ITPR3: variants seen among roughly 807,000 people sequenced by gnomAD.
The protein encoded by ITPR3 is inositol 1,4,5-trisphosphate receptor type 3, also known as inositol 1,4,5-trisphosphate-gated calcium channel ITPR3.
In ITPR3, 173 loss-of-function variants were observed where a neutral mutation model predicts 293.2. The ratio of observed to expected loss-of-function variants is 0.59; its 90% CI spans 0.52 to 0.67. The LOEUF (loss-of-function observed/expected upper bound fraction) is 0.67, where lower values mean the gene tolerates loss of function less well. Ranked by LOEUF, ITPR3 falls within the 30% of genes least tolerant of loss-of-function variation. The pLI is 0.00. For missense variants in ITPR3, 2,796 were observed against 3,592.1 expected, an observed-to-expected ratio of 0.78 and a Z score of 5.66; for synonymous variants, 1,295 against 1,444.4, an observed-to-expected ratio of 0.90 and a Z score of 2.35.
intron 3 of ITPR3, among the ~76,000 whole-genome samples, chr6:33,657,070 C>T (rs754647476): frequency 8.5e-5 from 13 of 152,196 alleles, no homozygotes; most frequent in African/African-American, 2.2e-4. Flanking sequence ...GAACCGCAAG[C>T]GGTCACACAG....
chr6:33,650,956 C>T (rs1360151533), intron 2 of ITPR3, among the ~76,000 whole-genome samples: 5 of 152,084 alleles, frequency 3.3e-5, no homozygotes, highest in Admixed American at 6.6e-5. Context: ...TTTCTTTGAG[C>T]ATATACTGGT....
At position 33,684,989 on chromosome 6, in the gene ITPR3, CCT is replaced by C. The variant is rs1292582518; in HGVS notation, c.5307+47_5307+48del. The C allele has an allele frequency of 1.3e-6, 2 of 1,563,512 alleles. No individual in the cohort carries two copies. The highest frequency in any genetic ancestry group is 2.3e-5 in the East Asian group (1 of 44,322). On this transcript the variant is annotated intron_variant, in intron 39 of 57. Coordinates refer to ENST00000605930, the MANE Select transcript of ITPR3 (RefSeq NM_002224.4). The surrounding 1 kb of genome is among the most constrained non-coding windows in gnomAD (Gnocchi z 4.2). ...GGACATGCCCTCCTTTGCCTCCCTCCCTTTTTGGAGGAGGTGGGCCTTGAGTT... is the reference window on the plus strand; with the variant it reads ...GGACATGCCCTCCTTTGCCTCCCTCCTTTTGGAGGAGGTGGGCCTTGAGTT...
In ITPR3 at chr6:33,665,071, A is replaced by C; in HGVS notation, c.1267A>C (p.Lys423Gln). The change falls in exon 13 of 58, where the codon AAG becomes CAG. Residue 423 changes from lysine (K) to glutamine (Q), a missense_variant. Coordinates refer to ENST00000605930, the MANE Select transcript of ITPR3 (RefSeq NM_002224.4). ...IRLMLGTCPTKEDKEAFAIVS... is the reference protein window; with the variant it reads ...IRLMLGTCPTQEDKEAFAIVS... ...TCTGCAGCTGGGCACCTGCCCCACCAAGGAGGACAAGGAGGCCTTTGCCAT... is the reference window on the plus strand; with the variant it reads ...TCTGCAGCTGGGCACCTGCCCCACCCAGGAGGACAAGGAGGCCTTTGCCAT... 6.2e-7 allele frequency: 1 copy of C among 1,613,908 alleles called. No homozygotes were observed. The highest frequency in any genetic ancestry group is 8.5e-7 in the Non-Finnish European group (1 of 1,180,002).
chr6:33,657,830 TG>T, intron 3 of ITPR3, 101 bp from the exon 4 acceptor site: 1 of 851,474 alleles, frequency 1.2e-6, no homozygotes, highest in Non-Finnish European at 1.9e-6. Context: ...TGTGTGTGTG[TG>T]TGTTTGTGTG....
chr6:33,686,316 A>G (rs1765229759), intron 42 of ITPR3, 63 bp downstream of exon 42: 1 of 1,598,468 alleles, frequency 6.3e-7, no homozygotes, highest in Non-Finnish European at 8.6e-7. Context: ...GGGTAGATGG[A>G]GCCAGCTGGG....
rs1371220373 is a variant in ITPR3, at chr6:33,692,219, G to A, written c.7458+291G>A. 2.6e-5 allele frequency among the ~76,000 whole-genome samples: 4 copies of A among 152,242 alleles called. No individual in the cohort carries two copies. Among genetic ancestry groups the A allele is most frequent in the Non-Finnish European group, 5.9e-5 (4 of 68,036 alleles). ...CCTAGCCCACAGCAGGTGGGCAGAG[G>A]GCGGAGCTGAGTCAGCTTTATCAGG... is the stretch of plus-strand genomic sequence containing the variant. On this transcript the variant is annotated intron_variant, in intron 54 of 57. Transcript: ENST00000605930. The surrounding 1 kb of genome is among the most constrained non-coding windows in gnomAD (Gnocchi z 4.2).
Position 33,687,936 on chromosome 6 carries a change from T to C in ITPR3, c.6265-121T>C. Reference sequence around the variant, plus strand: ...TGGGCTGGGCTTGGCCTGCTCTGGCTTGGCGGGGACACTCGCTGAAGTGTA... The same window carrying C: ...TGGGCTGGGCTTGGCCTGCTCTGGCCTGGCGGGGACACTCGCTGAAGTGTA... On this transcript the variant is annotated intron_variant, in intron 46 of 57. Coordinates refer to ENST00000605930, the MANE Select transcript of ITPR3 (RefSeq NM_002224.4). This position sits in a 1 kb window ranked among gnomAD's most constrained non-coding sequence, Gnocchi z 5.3. 1 of 779,124 alleles carries C rather than the reference T, an allele frequency of 1.3e-6. No homozygotes were observed. Among genetic ancestry groups the C allele is most frequent in the Non-Finnish European group, 2.1e-6 (1 of 484,076 alleles). 48.3% of individuals were successfully genotyped at this position (779,124 alleles called of 1,614,324 possible).
In ITPR3 at chr6:33,663,774, GAGA is replaced by G; in HGVS notation, c.1046_1048del (p.Lys349del). ...CCGCACAGGCCGCAGGAATGCTGGG[GAGA>G]AGATCAAGTACTGCCTGGTGGCTGT... On this transcript the variant is annotated inframe_deletion, in exon 11 of 58. Coordinates refer to ENST00000605930, the MANE Select transcript of ITPR3 (RefSeq NM_002224.4). 1 of 1,614,174 alleles carries G rather than the reference GAGA, an allele frequency of 6.2e-7. No individual in the cohort carries two copies. The highest frequency in any genetic ancestry group is 2.2e-5 in the East Asian group (1 of 44,890).
intron 1 of ITPR3, among the ~76,000 whole-genome samples, chr6:33,634,247 C>A (rs1392998525): frequency 6.6e-6 from 1 of 151,986 alleles, no homozygotes; most frequent in South Asian, 2.1e-4. Flanking sequence ...TCTACACACA[C>A]CAGGTGGGGG....
intron 2 of ITPR3, among the ~76,000 whole-genome samples, chr6:33,649,764 GGGTAGAAA>G (rs1200837131): frequency 6.6e-6 from 1 of 152,160 alleles, no homozygotes; most frequent in African/African-American, 2.4e-5. Context: ...GAACCATGTG[GGGTAGAAA>G]GGGAGTGGGG....
Position 33,691,935 on chromosome 6 carries a change from A to G in ITPR3, c.7458+7A>G. 6.2e-7 allele frequency: 1 copy of G among 1,613,064 alleles called. No individual in the cohort carries two copies. The highest frequency in any genetic ancestry group is 8.5e-7 in the Non-Finnish European group (1 of 1,179,866). On this transcript the variant is annotated splice_region_variant and intron_variant, in intron 54 of 57. Transcript: ENST00000605930. This position sits in a 1 kb window ranked among gnomAD's most constrained non-coding sequence, Gnocchi z 4.9. ...CCGCAAGCCCTCCAAAGATGTGAGCACTCCTGCCCACTCCCAAACCTGTGG... is the reference window on the plus strand; with the variant it reads ...CCGCAAGCCCTCCAAAGATGTGAGCGCTCCTGCCCACTCCCAAACCTGTGG...
rs112373286 is a variant in ITPR3 at position 33,638,152 on chromosome 6, C to T, written c.90-2332C>T. ...TCCTGTGTAGCTGGGATTACAGGCG[C>T]GCACCGCCACGCCCAGCTAATTTTT... is the stretch of plus-strand genomic sequence containing the variant. On this transcript the variant is annotated intron_variant, in intron 1 of 57. Transcript: ENST00000605930. This position sits in a 1 kb window ranked among gnomAD's most constrained non-coding sequence, Gnocchi z 4.3. 5.3e-3 allele frequency among the ~76,000 whole-genome samples: 807 copies of T among 152,160 alleles called. 7 individuals are homozygous for T. Among genetic ancestry groups the T allele is most frequent in the African/African-American group, 0.017 (702 of 41,490 alleles).
intron 1 of ITPR3, among the ~76,000 whole-genome samples, chr6:33,639,441 G>GCTTTGT (rs1354604434): frequency 5.3e-5 from 8 of 151,908 alleles, no homozygotes; most frequent in Admixed American, 5.2e-4. Context: ...GGTACAGAAG[G>GCTTTGT]AGCACGGGCT....
intron 21 of ITPR3, 97 bp downstream of exon 21, chr6:33,671,403 T>TC (rs1764762195): frequency 9.8e-6 from 8 of 817,826 alleles, no homozygotes; most frequent in African/African-American, 1.7e-5. Context: ...AGCCCCGCAT[T>TC]CCCCCCACCC....
At chr6:33,668,783 G>A (rs1764680613) in intron 17 of ITPR3, 149 bp downstream of exon 17, 1 of 1,363,934 alleles carries the variant, frequency 7.3e-7, no homozygotes, top group Non-Finnish European at 1.0e-6. Flanking sequence ...GCCCCGCTGT[G>A]TGCCTGGCAC....
Position 33,621,940 on chromosome 6 carries a change from G to A in ITPR3, c.89+249G>A, listed in dbSNP as rs956812938. Among the ~76,000 whole-genome samples, 4 of 152,356 alleles carry A rather than the reference G, an allele frequency of 2.6e-5. No individual in the cohort carries two copies. The South Asian group carries it at 6.2e-4, about 24-fold the overall frequency. ...GGCGGCGCAGCCTCTACCCTCCCGC[G>A]CACGCCTTTGGAGGGGGCGGAGGGA... is the stretch of plus-strand genomic sequence containing the variant. On this transcript the variant is annotated intron_variant, in intron 1 of 57. Coordinates refer to ENST00000605930, the MANE Select transcript of ITPR3 (RefSeq NM_002224.4). This position sits in a 1 kb window ranked among gnomAD's most constrained non-coding sequence, Gnocchi z 7.7.
chr6:33,657,832 TG>T, intron 3 of ITPR3, 99 bp from the exon 4 acceptor site: 1 of 872,096 alleles, frequency 1.1e-6, no homozygotes, highest in Non-Finnish European at 1.9e-6. Context: ...TGTGTGTGTG[TG>T]TTTGTGTGCA....
chr6:33,689,391 A>G lies in ITPR3; in HGVS notation c.6848A>G (p.Asn2283Ser), dbSNP rs1208261523. The G allele has an allele frequency of 4.3e-6, 7 of 1,610,274 alleles. No homozygotes were observed. The highest frequency in any genetic ancestry group is 1.7e-6 in the Non-Finnish European group (2 of 1,179,960). The change falls in exon 50 of 58, where the codon AAC (asparagine) becomes AGC (serine). Residue 2283 changes from asparagine (N) to serine (S), a missense_variant. Transcript: ENST00000605930. ...IYYLGIGPTLNILGALNLTNK... is the reference protein window; with the variant it reads ...IYYLGIGPTLSILGALNLTNK... ...TATCTGGGCATCGGGCCCACACTCA[A>G]CATCCTGGGTGCCCTCAATGTGAGT...
chr6:33,661,512 G>T (rs1036517038), intron 7 of ITPR3, among the ~76,000 whole-genome samples: 1 of 152,210 alleles, frequency 6.6e-6, no homozygotes, highest in Non-Finnish European at 1.5e-5. Flanking sequence ...TTGATGTGAG[G>T]ATCAGGTGAG....
Sources: allele counts gnomAD v4.1 joint callset (sites outside exome capture counted in the v4.1 genomes callset), GRCh38; gene constraint gnomAD v4.1.1; non-coding constraint Gnocchi (gnomAD v3.1); transcripts MANE v1.5; gene names NCBI Gene and HGNC (gene_info 2026-07-23, HGNC 2026-07-21).